The following ANK3 variants were observed in gnomAD, a reference collection of about 807,000 sequenced individuals.
ANK3 encodes ankyrin 3.
A neutral mutation model predicts 370.9 loss-of-function variants in ANK3; 57 were observed. That is an observed-to-expected ratio of 0.15 (90% CI 0.12 to 0.19). ANK3 has a LOEUF of 0.19. Among genes scored for constraint, ANK3 ranks in the 10% least tolerant of loss-of-function variants. The pLI, the probability that ANK3 is intolerant of heterozygous loss-of-function variation, is 1.00. For missense variants in ANK3, 4,439 were observed against 5,302.1 expected (o/e 0.84, Z 5.06); for synonymous variants, 1,929 against 1,946.3 (o/e 0.99, Z 0.23).
Position 60,140,877 on chromosome 10 carries a change from A to G in ANK3, c.2615-1790T>C, listed in dbSNP as rs1308410485. The G allele has an allele frequency of 3.0e-6, 3 of 986,612 alleles. No individual in the cohort carries two copies. In the East Asian group the frequency reaches 3.4e-4, roughly 111 times the overall value. The allele number at this position is 986,612 out of a possible 1,614,324, so 61.1% of individuals were successfully genotyped here. On this transcript the variant is annotated intron_variant, in intron 23 of 43. Coordinates refer to ENST00000280772, the MANE Select transcript of ANK3 (RefSeq NM_020987.5). ...GGGAGAGAGCGAAGTGCTACATTTA[A>G]TTAGGAGGTGATTCTTCTCAAATAT...
intron 4 of ANK3, among the ~76,000 whole-genome samples, chr10:60,271,632 C>T (rs570571396): frequency 2.0e-5 from 3 of 152,008 alleles, no homozygotes; most frequent in Non-Finnish European, 4.4e-5. Flanking sequence ...TACAATGTTA[C>T]CAAATATTCA....
intron 1 of ANK3, among the ~76,000 whole-genome samples, chr10:60,729,999 G>C (rs1388421387): frequency 6.6e-6 from 1 of 152,088 alleles, no homozygotes; most frequent in Non-Finnish European, 1.5e-5. Flanking sequence ...GGATGATTTT[G>C]TTTGTCCACC....
chr10:60,367,032 C>T (rs2059476520), intron 1 of ANK3, among the ~76,000 whole-genome samples: 1 of 152,096 alleles, frequency 6.6e-6, no homozygotes, highest in African/African-American at 2.4e-5. Context: ...TCCTCCTTTC[C>T]CAACATCGTT....
chr10:60,592,528 G>GC (rs2077930626), intron 2 of ANK3, among the ~76,000 whole-genome samples: 2 of 152,210 alleles, frequency 1.3e-5, no homozygotes, highest in South Asian at 4.1e-4. Context: ...GGGAGGCCAA[G>GC]GCGGGTGGAT....
chr10:60,583,488 T>C (rs935447627), intron 2 of ANK3, among the ~76,000 whole-genome samples: 1 of 151,472 alleles, frequency 6.6e-6, no homozygotes, highest in Admixed American at 6.6e-5. Context: ...TATATTTCCA[T>C]ATAGCTTACA....
At chr10:60,095,206 T>C (rs372293343) in intron 28 of ANK3, among the ~76,000 whole-genome samples, 35 of 152,338 alleles carry the variant, frequency 2.3e-4, no homozygotes, top group African/African-American at 7.9e-4. Flanking sequence ...TTAAATTAAA[T>C]GATGTTTGAT....
At chr10:60,604,067 C>A (rs1351011914) in intron 2 of ANK3, among the ~76,000 whole-genome samples, 2 of 152,078 alleles carry the variant, frequency 1.3e-5, no homozygotes, top group African/African-American at 2.4e-5. Context: ...TCAGCTAGAA[C>A]AAATCCTGAC....
At chr10:60,100,281 G>T (rs2091014515) in intron 28 of ANK3, among the ~76,000 whole-genome samples, 3 of 67,066 alleles carry the variant, frequency 4.5e-5, no homozygotes, top group Non-Finnish European at 8.3e-5. Context: ...GTCCTGATTT[G>T]GTTAAATTGT....
chr10:60,607,400 C>T (rs2078142631), intron 2 of ANK3, among the ~76,000 whole-genome samples: 1 of 152,066 alleles, frequency 6.6e-6, no homozygotes, highest in Admixed American at 6.6e-5. Context: ...CCACATACTG[C>T]CTCCCTTTCT....
chr10:60,063,137 T>C lies in ANK3; in HGVS notation c.12569A>G (p.Asn4190Ser), dbSNP rs140440227. 4.9e-5 allele frequency: 79 copies of C among 1,613,134 alleles called. No individual in the cohort carries two copies. The highest frequency in any genetic ancestry group is 5.8e-5 in the Non-Finnish European group (69 of 1,179,738). Residue 4190 changes from asparagine to serine, a missense_variant, in exon 40 of 44, where the codon AAC (asparagine) becomes AGC (serine). By Grantham distance (46) the Asn-to-Ser change is conservative (BLOSUM62 1). Around this residue, in one of 13 missense-constraint regions of ANK3, gnomAD observed 242 missense variants for 228.0 expected, o/e 1.06. Transcript: ENST00000280772. Reference sequence around the variant, plus strand: ...ATCAACAGGGTCATGGAAAACATTGTTCTCATCTGCAAAACTTCTGGTGCC... The same window carrying C: ...ATCAACAGGGTCATGGAAAACATTGCTCTCATCTGCAAAACTTCTGGTGCC... ...ISGTRSFADE[N>S]NVFHDPVDGW...
intron 2 of ANK3, among the ~76,000 whole-genome samples, chr10:60,401,616 AT>A (rs1227263898): frequency 3.3e-5 from 5 of 152,214 alleles, no homozygotes; most frequent in African/African-American, 4.8e-5. Context: ...TAGTTTTACA[AT>A]CTACTTTAAA....
chr10:60,090,572 T>G (rs1040418538), intron 28 of ANK3, among the ~76,000 whole-genome samples: 1 of 152,142 alleles, frequency 6.6e-6, no homozygotes, highest in African/African-American at 2.4e-5. Context: ...GTATTAATAA[T>G]AGGATGGCAG....
intron 1 of ANK3, among the ~76,000 whole-genome samples, chr10:60,625,467 A>T (rs2078396290): frequency 6.6e-6 from 1 of 152,226 alleles, no homozygotes; most frequent in South Asian, 2.1e-4. Context: ...AGGTCAGAAG[A>T]AGAACTAATT....
At position 60,080,753 on chromosome 10, in the gene ANK3, A is replaced by C. The variant is rs2085007786; in HGVS notation, c.4351-135T>G. On this transcript the variant is annotated intron_variant, in intron 35 of 43. Transcript: ENST00000280772. ...TAGGAAATGTTAATTTCCCACTGGGATTTTGTAACCCCACCCCCCATGTCT... is the reference window on the plus strand; with the variant it reads ...TAGGAAATGTTAATTTCCCACTGGGCTTTTGTAACCCCACCCCCCATGTCT... 1.5e-5 allele frequency: 12 copies of C among 801,848 alleles called. No homozygotes were observed. In the South Asian group the frequency reaches 1.9e-4, roughly 13 times the overall value. 49.7% of individuals were successfully genotyped at this position (801,848 alleles called of 1,614,324 possible).
chr10:60,389,875 G>C lies in ANK3; in HGVS notation c.-337C>G. The C allele has an allele frequency of 9.5e-7, 1 of 1,053,898 alleles. No homozygotes were observed. Among genetic ancestry groups the C allele is most frequent in the South Asian group, 4.2e-5 (1 of 24,080 alleles). The allele number at this position is 1,053,898 out of a possible 1,614,324, so 65.3% of individuals were successfully genotyped here. On this transcript the variant is annotated 5_prime_UTR_variant, in exon 1 of 44. Transcript: ENST00000280772. ...CCTGCCACCAGCTGGAAGTGTCTAA[G>C]TGATTCCTCGGAAGGGGGAATGCTG...
chr10:60,645,482 T>C lies in ANK3; in HGVS notation c.58-30258A>G, dbSNP rs150111206. ...GCTCACACCTGTAATCCCAGGACTT[T>C]GGGAGGCTGAAACTGGGTGGATCGC... On this transcript the variant is annotated intron_variant, in intron 1 of 43. Coordinates refer to the ANK3 transcript ENST00000373827. 2.0e-3 allele frequency among the ~76,000 whole-genome samples: 310 copies of C among 152,250 alleles called. 1 individual carries two copies. Among genetic ancestry groups the C allele is most frequent in the African/African-American group, 7.0e-3 (292 of 41,550 alleles).
chr10:60,578,121 A>G (rs2133275842), intron 2 of ANK3, among the ~76,000 whole-genome samples: 1 of 152,364 alleles, frequency 6.6e-6, no homozygotes, highest in South Asian at 2.1e-4. Context: ...AACCAGGTCC[A>G]TAGCAGGATT....
chr10:60,294,519 G>A lies in ANK3; in HGVS notation c.115-14880C>T, dbSNP rs576426276. On this transcript the variant is annotated intron_variant, in intron 1 of 43. Transcript: ENST00000280772. ...TTGGGAGGTAGGGGGCTTGCAGGGA[G>A]GATGGTTTCATGCTGATTTTTTAAA... 2.6e-5 allele frequency among the ~76,000 whole-genome samples: 4 copies of A among 152,202 alleles called. No homozygotes were observed. In the East Asian group the frequency reaches 7.7e-4, roughly 29 times the overall value.
chr10:60,135,339 T>A (rs1268434991), intron 24 of ANK3, among the ~76,000 whole-genome samples: 1 of 152,220 alleles, frequency 6.6e-6, no homozygotes, highest in Non-Finnish European at 1.5e-5. Flanking sequence ...GAGGCTGTCA[T>A]GAGATAGCTT....
Sources: allele counts gnomAD v4.1 joint callset (sites outside exome capture counted in the v4.1 genomes callset), GRCh38; gene constraint gnomAD v4.1.1; regional missense constraint gnomAD v4.1.1; transcripts MANE v1.5; gene names NCBI Gene and HGNC (gene_info 2026-07-23, HGNC 2026-07-21).